CENPW: variants seen among roughly 807,000 people sequenced by gnomAD.
The protein encoded by CENPW is centromere protein W.
In CENPW, 3 loss-of-function variants were observed where a neutral mutation model predicts 11.1. The observed-to-expected ratio is 0.27, with a 90% CI of 0.12 to 0.70. CENPW has a LOEUF of 0.70. Among genes scored for constraint, CENPW ranks in the 30% least tolerant of loss-of-function variants. The pLI is 0.77. For synonymous variants in CENPW, 38 were observed against 42.0 expected (o/e 0.91, Z 0.37); for missense variants, 100 against 105.6 (o/e 0.95, Z 0.23).
At chr6:126,356,857 CAT>C in the CENPW span, among the ~76,000 whole-genome samples, 1 of 151,908 alleles carries the variant, frequency 6.6e-6, no homozygotes, top group Non-Finnish European at 1.5e-5. Flanking sequence ...GTAGTTTGCA[CAT>C]ATTTTCTCCC....
At chr6:126,436,463 C>A in the CENPW span, among the ~76,000 whole-genome samples, 3 of 151,752 alleles carry the variant, frequency 2.0e-5, no homozygotes, top group South Asian at 6.2e-4. Flanking sequence ...ACCTTGGACA[C>A]AACTCTACTT....
the CENPW span, among the ~76,000 whole-genome samples, chr6:126,421,582 CTT>C: frequency 8.9e-3 from 1,273 of 143,454 alleles, 9 homozygotes; most frequent in Admixed American, 0.033. Flanking sequence ...CTAACACTTT[CTT>C]TTTTTTTTTT....
the CENPW span, among the ~76,000 whole-genome samples, chr6:126,477,420 C>G: frequency 7.9e-5 from 12 of 152,010 alleles, no homozygotes; most frequent in Admixed American, 6.6e-4. Flanking sequence ...TTAATTTTAG[C>G]TTCTGAACTG....
chr6:126,458,079 T>G, the CENPW span, among the ~76,000 whole-genome samples: 3 of 151,376 alleles, frequency 2.0e-5, no homozygotes, highest in African/African-American at 7.3e-5. Context: ...CTATTGAGCT[T>G]ACACTTTCTG....
chr6:126,455,944 T>C, the CENPW span, among the ~76,000 whole-genome samples: 1 of 150,088 alleles, frequency 6.7e-6, no homozygotes, highest in African/African-American at 2.4e-5. Context: ...TAGCTGAGAG[T>C]CAATCAAGAA....
chr6:126,465,884 T>G, the CENPW span, among the ~76,000 whole-genome samples: 1 of 152,074 alleles, frequency 6.6e-6, no homozygotes, highest in African/African-American at 2.4e-5. Context: ...CTAGATCATG[T>G]GGGGATATAA....
the CENPW span, among the ~76,000 whole-genome samples, chr6:126,477,973 C>T: frequency 6.6e-6 from 1 of 151,982 alleles, no homozygotes; most frequent in Non-Finnish European, 1.5e-5. Flanking sequence ...CTGGATTCTA[C>T]CAGCTCTTTT....
At chr6:126,464,360 G>T in the CENPW span, among the ~76,000 whole-genome samples, 1 of 152,232 alleles carries the variant, frequency 6.6e-6, no homozygotes, top group South Asian at 2.1e-4. Context: ...AATATTGAGT[G>T]TAAACTTGAT....
At chr6:126,473,179 T>C in the CENPW span, among the ~76,000 whole-genome samples, 1 of 152,200 alleles carries the variant, frequency 6.6e-6, no homozygotes, top group Non-Finnish European at 1.5e-5. Flanking sequence ...CTTGGTTGTT[T>C]CCAGCTTTTG....
chr6:126,356,183 A>AT, the CENPW span, among the ~76,000 whole-genome samples: 1 of 152,292 alleles, frequency 6.6e-6, no homozygotes, highest in South Asian at 2.1e-4. Flanking sequence ...GAAAGCTGAC[A>AT]TGGATAATAT....
the CENPW span, among the ~76,000 whole-genome samples, chr6:126,383,307 C>T: frequency 3.9e-4 from 59 of 152,206 alleles, no homozygotes; most frequent in Middle Eastern, 3.4e-3. Context: ...TCACTACCAG[C>T]CACTACAAAA....
the CENPW span, among the ~76,000 whole-genome samples, chr6:126,413,511 C>T: frequency 2.4e-3 from 367 of 151,974 alleles, no homozygotes; most frequent in African/African-American, 8.2e-3. Flanking sequence ...GAGGAAGAAA[C>T]AAAATCTTTC....
the CENPW span, among the ~76,000 whole-genome samples, chr6:126,358,519 A>G: frequency 3.6e-4 from 55 of 152,308 alleles, no homozygotes; most frequent in African/African-American, 1.2e-3. Flanking sequence ...TTATTGATGT[A>G]CATATATTGA....
chr6:126,365,353 A>G, the CENPW span, among the ~76,000 whole-genome samples: 2 of 152,224 alleles, frequency 1.3e-5, no homozygotes, highest in African/African-American at 4.8e-5. Context: ...TTAGCTCATT[A>G]AGTTTTGCAG....
the CENPW span, among the ~76,000 whole-genome samples, chr6:126,377,658 T>A: frequency 6.6e-6 from 1 of 152,174 alleles, no homozygotes; most frequent in Non-Finnish European, 1.5e-5. Flanking sequence ...AAGAAATATA[T>A]TTTAAATTCA....
At chr6:126,391,977 A>G in the CENPW span, among the ~76,000 whole-genome samples, 1 of 151,906 alleles carries the variant, frequency 6.6e-6, no homozygotes, top group Non-Finnish European at 1.5e-5. Context: ...TTGCATATAA[A>G]TTTTAGGATA....
the CENPW span, among the ~76,000 whole-genome samples, chr6:126,476,153 A>G: frequency 3.4e-3 from 515 of 151,752 alleles, 1 homozygote; most frequent in Non-Finnish European, 6.2e-3. Flanking sequence ...TACCTAGTAG[A>G]ATTATGTTCA....
At chr6:126,439,210 G>A in the CENPW span, among the ~76,000 whole-genome samples, 1 of 151,672 alleles carries the variant, frequency 6.6e-6, no homozygotes, top group East Asian at 1.9e-4. Flanking sequence ...ACATTCTATA[G>A]TTTCTCCAAA....
the CENPW span, among the ~76,000 whole-genome samples, chr6:126,403,268 T>C: frequency 6.6e-6 from 1 of 152,118 alleles, no homozygotes; most frequent in Admixed American, 6.6e-5. Context: ...AAAGGAGAAG[T>C]TGCATATCTC....
Sources: gnomAD v4.1 joint callset for allele counts (sites outside exome capture counted in the v4.1 genomes callset) on GRCh38, gnomAD v4.1.1 for gene constraint, MANE v1.5 for transcripts, NCBI Gene and HGNC (gene_info 2026-07-23, HGNC 2026-07-21) for gene names.